PALS2: variants seen among roughly 807,000 people sequenced by gnomAD.
PALS2 encodes protein associated with LIN7 2, MAGUK p55 family member.
In PALS2, 27 loss-of-function variants were observed where a neutral mutation model predicts 61.6. That is an observed-to-expected ratio of 0.44 (90% CI 0.32 to 0.60). The LOEUF is 0.60. PALS2 is among the 20% of genes least tolerant of loss of function. PALS2 has a pLI of 0.05. For synonymous variants in PALS2, 236 were observed against 218.6 expected, an observed-to-expected ratio of 1.08 and a Z score of -0.70; for missense variants, 554 against 639.4, an observed-to-expected ratio of 0.87 and a Z score of 1.44.
chr7:24,651,970 A>G (rs1786175834), intron 5 of PALS2, among the ~76,000 whole-genome samples: 1 of 152,176 alleles, frequency 6.6e-6, no homozygotes, highest in South Asian at 2.1e-4. Context: ...TAGGCTTGTA[A>G]TTAACTTTGG....
At chr7:24,584,720 G>T (rs1162904825) in intron 1 of PALS2, among the ~76,000 whole-genome samples, 1 of 151,986 alleles carries the variant, frequency 6.6e-6, no homozygotes, top group Admixed American at 6.6e-5. Context: ...TGGTGTTTTA[G>T]ACATGAAGTG....
At chr7:24,613,130 A>G (rs973472213) in intron 1 of PALS2, among the ~76,000 whole-genome samples, 1 of 151,678 alleles carries the variant, frequency 6.6e-6, no homozygotes. Flanking sequence ...TCTATGTAGA[A>G]ATTGGAAAGC....
intron 1 of PALS2, among the ~76,000 whole-genome samples, chr7:24,602,545 C>T (rs1783757197): frequency 6.6e-6 from 1 of 152,120 alleles, no homozygotes; most frequent in African/African-American, 2.4e-5. Flanking sequence ...TCACATCTGC[C>T]TGGAAAGTAA....
intron 4 of PALS2, 64 bp downstream of exon 4, chr7:24,649,828 C>A: frequency 7.3e-7 from 1 of 1,374,890 alleles, no homozygotes; most frequent in Non-Finnish European, 9.6e-7. Context: ...GGTTCAGTCA[C>A]TACTCTGTTT....
rs79758243 is a variant in PALS2 at position 24,576,589 on chromosome 7, A to G, written c.-3+2996A>G. Among the ~76,000 whole-genome samples, 1,002 of 152,356 alleles carry G rather than the reference A, an allele frequency of 6.6e-3. 12 individuals carry two copies. Among genetic ancestry groups the G allele is most frequent in the African/African-American group, 0.022 (923 of 41,578 alleles). Reference sequence around the variant, plus strand: ...TAAGTGGTCTAAGTATGCCTCTAACATAATGAAAGATAAGATTCCTGAATA... The same window carrying G: ...TAAGTGGTCTAAGTATGCCTCTAACGTAATGAAAGATAAGATTCCTGAATA... On this transcript the variant is annotated intron_variant, in intron 1 of 11. Coordinates refer to ENST00000222644, the MANE Select transcript of PALS2 (RefSeq NM_001303037.2).
intron 5 of PALS2, among the ~76,000 whole-genome samples, chr7:24,661,884 G>T (rs188190614): frequency 6.6e-6 from 1 of 152,260 alleles, no homozygotes; most frequent in Admixed American, 6.5e-5. Flanking sequence ...ATCCCATCAG[G>T]TATGCTGTCA....
chr7:24,583,578 G>A (rs1583827627), intron 1 of PALS2, among the ~76,000 whole-genome samples: 1 of 149,734 alleles, frequency 6.7e-6, no homozygotes, highest in African/African-American at 2.5e-5. Context: ...AAATAAAGTG[G>A]TTATAAATCC....
At chr7:24,585,773 A>G (rs753663083) in intron 1 of PALS2, among the ~76,000 whole-genome samples, 1 of 152,110 alleles carries the variant, frequency 6.6e-6, no homozygotes, top group Non-Finnish European at 1.5e-5. Context: ...ATCTCGGCTC[A>G]CTACAAGCTC....
chr7:24,668,727 G>A, intron 9 of PALS2, 67 bp downstream of exon 9: 1 of 1,532,874 alleles, frequency 6.5e-7, no homozygotes, highest in Non-Finnish European at 8.9e-7. Context: ...GGAGGAAAGG[G>A]GGATTATTAT....
intron 9 of PALS2, among the ~76,000 whole-genome samples, chr7:24,673,778 C>G (rs1392910594): frequency 1.3e-5 from 2 of 151,824 alleles, no homozygotes; most frequent in South Asian, 4.2e-4. Context: ...TTTCTACTTT[C>G]TAATTTTTGC....
At chr7:24,627,340 A>T (rs1784792088) in intron 2 of PALS2, among the ~76,000 whole-genome samples, 1 of 152,230 alleles carries the variant, frequency 6.6e-6, no homozygotes, top group Non-Finnish European at 1.5e-5. Flanking sequence ...ATGTACCAGA[A>T]TCTCTGGGAC....
intron 5 of PALS2, among the ~76,000 whole-genome samples, chr7:24,658,637 A>G (rs148256334): frequency 0.016 from 2,422 of 149,924 alleles, 78 homozygotes; most frequent in African/African-American, 0.057. Flanking sequence ...GCTCACTGCA[A>G]CCCCCACCTC....
At chr7:24,585,787 C>T in intron 1 of PALS2, among the ~76,000 whole-genome samples, 1 of 152,216 alleles carries the variant, frequency 6.6e-6, no homozygotes, top group East Asian at 1.9e-4. Flanking sequence ...CAAGCTCCGC[C>T]TCCTGGGTTC....
chr7:24,631,471 TC>T (rs1784994386), intron 2 of PALS2, among the ~76,000 whole-genome samples: 1 of 152,204 alleles, frequency 6.6e-6, no homozygotes, highest in Non-Finnish European at 1.5e-5. Context: ...TTGAATCTAT[TC>T]CTGGTGAAGA....
intron 1 of PALS2, among the ~76,000 whole-genome samples, chr7:24,587,752 C>T (rs1175167886): frequency 6.6e-6 from 1 of 152,082 alleles, no homozygotes; most frequent in Non-Finnish European, 1.5e-5. Flanking sequence ...GAGTCTTCCT[C>T]TCTGACATCT....
At chr7:24,576,882 A>T (rs1260084535) in intron 1 of PALS2, among the ~76,000 whole-genome samples, 1 of 152,238 alleles carries the variant, frequency 6.6e-6, no homozygotes, top group Non-Finnish European at 1.5e-5. Flanking sequence ...CCTTTATCAT[A>T]GTCATATAGA....
intron 1 of PALS2, among the ~76,000 whole-genome samples, chr7:24,609,840 C>T (rs908733702): frequency 6.6e-6 from 1 of 152,088 alleles, no homozygotes; most frequent in Non-Finnish European, 1.5e-5. Context: ...CCTTAATGGC[C>T]TGGAATGACT....
At chr7:24,610,048 GTTC>G in intron 1 of PALS2, among the ~76,000 whole-genome samples, 1 of 152,090 alleles carries the variant, frequency 6.6e-6, no homozygotes, top group Non-Finnish European at 1.5e-5. Context: ...TGTGTCTCAT[GTTC>G]TTAACACCCC....
intron 2 of PALS2, among the ~76,000 whole-genome samples, chr7:24,624,756 G>T (rs1784667922): frequency 6.6e-6 from 1 of 151,716 alleles, no homozygotes; most frequent in Non-Finnish European, 1.5e-5. Flanking sequence ...ACAGGCGTGT[G>T]CCACCACCCC....
Sources: gnomAD v4.1 joint callset for allele counts (sites outside exome capture counted in the v4.1 genomes callset) on GRCh38, gnomAD v4.1.1 for gene constraint, MANE v1.5 for transcripts, NCBI Gene and HGNC (gene_info 2026-07-23, HGNC 2026-07-21) for gene names.